The following BCAS3 variants were observed in gnomAD, a reference collection of about 807,000 sequenced individuals.
BCAS3 encodes the protein BCAS4/BCAS3 fusion.
Under a neutral mutation model 116.1 loss-of-function variants are expected in BCAS3, and 53 were observed. The ratio of observed to expected loss-of-function variants is 0.46; its 90% CI spans 0.37 to 0.57. The LOEUF (loss-of-function observed/expected upper bound fraction) is 0.57. BCAS3 is among the 20% of genes least tolerant of loss of function. The pLI is 0.00. For synonymous variants in BCAS3, 391 were observed against 408.2 expected (o/e 0.96, Z 0.51); for missense variants, 917 against 1,165.4 (o/e 0.79, Z 3.10).
intron 4 of BCAS3, among the ~76,000 whole-genome samples, chr17:60,691,170 T>C (rs2034770823): frequency 6.6e-6 from 1 of 152,080 alleles, no homozygotes; most frequent in South Asian, 2.1e-4. Context: ...TGACCTCAGG[T>C]AATTCACCTG....
At chr17:60,931,505 G>C (rs1451778785) in intron 13 of BCAS3, among the ~76,000 whole-genome samples, 1 of 152,048 alleles carries the variant, frequency 6.6e-6, no homozygotes, top group Admixed American at 6.6e-5. Context: ...TCAAACTCCT[G>C]AGCTCAGGCA....
rs999001137 is a variant in BCAS3 at position 61,268,477 on chromosome 17, T to C, written c.2426-99850T>C. Among the ~76,000 whole-genome samples, 7 of 152,322 alleles carry C rather than the reference T, an allele frequency of 4.6e-5. No individual in the cohort carries two copies. The East Asian group carries it at 1.2e-3, about 25-fold the overall frequency. Reference sequence around the variant, plus strand: ...TGTCCACTACAGTAATACGTATGTATATTATGGTACAACAGCTCACTAGAA... The same window carrying C: ...TGTCCACTACAGTAATACGTATGTACATTATGGTACAACAGCTCACTAGAA... On this transcript the variant is annotated intron_variant, in intron 22 of 23. Coordinates refer to ENST00000407086, the MANE Select transcript of BCAS3 (RefSeq NM_017679.5).
At chr17:61,284,232 C>G (rs1254319219) in intron 22 of BCAS3, among the ~76,000 whole-genome samples, 1 of 152,144 alleles carries the variant, frequency 6.6e-6, no homozygotes, top group South Asian at 2.1e-4. Flanking sequence ...CCTCCCCCAC[C>G]CACACCAGCA....
chr17:61,331,944 T>C (rs528300322), intron 22 of BCAS3, among the ~76,000 whole-genome samples: 1 of 152,284 alleles, frequency 6.6e-6, no homozygotes, highest in East Asian at 1.9e-4. Context: ...AGTGGTATGC[T>C]TTTTTGGGGT....
At chr17:61,284,159 T>C (rs774513753) in intron 22 of BCAS3, among the ~76,000 whole-genome samples, 6 of 152,096 alleles carry the variant, frequency 3.9e-5, no homozygotes, top group Non-Finnish European at 7.4e-5. Flanking sequence ...CAATCATCAC[T>C]CTGTAAAATG....
chr17:60,952,401 C>A (rs943398088), intron 14 of BCAS3, among the ~76,000 whole-genome samples: 1 of 152,046 alleles, frequency 6.6e-6, no homozygotes, highest in South Asian at 2.1e-4. Context: ...CTCACTGCAA[C>A]CTCTGCCTCC....
At chr17:61,011,794 T>A (rs370629077) in intron 15 of BCAS3, among the ~76,000 whole-genome samples, 1 of 152,052 alleles carries the variant, frequency 6.6e-6, no homozygotes, top group East Asian at 1.9e-4. Flanking sequence ...AAATCATTTA[T>A]AACCAAAGAT....
Position 60,868,444 on chromosome 17 carries a change from G to A in BCAS3, c.477-132G>A, listed in dbSNP as rs1364992076. ...AGGGATGTATTATGATCATTTTTGGGATAAGTTTTGAATCAATTTACTAAT... is the reference window on the plus strand; with the variant it reads ...AGGGATGTATTATGATCATTTTTGGAATAAGTTTTGAATCAATTTACTAAT... On this transcript the variant is annotated intron_variant, in intron 7 of 23. Coordinates refer to ENST00000407086, the MANE Select transcript of BCAS3 (RefSeq NM_017679.5). 8 of 514,470 alleles carry A rather than the reference G, an allele frequency of 1.6e-5. No individual in the cohort carries two copies. The Admixed American group carries it at 1.7e-4, about 11-fold the overall frequency. 31.9% of individuals were successfully genotyped at this position (514,470 alleles called of 1,614,324 possible).
At chr17:60,935,253 A>C (rs1301786011) in intron 13 of BCAS3, among the ~76,000 whole-genome samples, 1 of 152,192 alleles carries the variant, frequency 6.6e-6, no homozygotes, top group African/African-American at 2.4e-5. Context: ...AGTAATGTTT[A>C]TCAATTAGAA....
chr17:61,114,091 A>G (rs2143757524), intron 22 of BCAS3, among the ~76,000 whole-genome samples: 1 of 150,812 alleles, frequency 6.6e-6, no homozygotes, highest in Admixed American at 6.6e-5. Flanking sequence ...ATGTATTTCA[A>G]AATAATAAGA....
At chr17:60,683,753 G>GC (rs1481956444) in intron 2 of BCAS3, among the ~76,000 whole-genome samples, 1 of 151,384 alleles carries the variant, frequency 6.6e-6, no homozygotes, top group African/African-American at 2.4e-5. Context: ...GATTGCTTAA[G>GC]CCCCGGAGGT....
chr17:61,175,599 A>G (rs2079087727), intron 22 of BCAS3, among the ~76,000 whole-genome samples: 1 of 152,234 alleles, frequency 6.6e-6, no homozygotes. Flanking sequence ...CAGCTAGATT[A>G]TATGATAGCT....
Position 61,007,801 on chromosome 17 carries a change from A to G in BCAS3, c.1487-7950A>G, listed in dbSNP as rs2064822668. 6.6e-6 allele frequency among the ~76,000 whole-genome samples: 1 copy of G among 152,048 alleles called. No individual in the cohort carries two copies. Among genetic ancestry groups the G allele is most frequent in the Non-Finnish European group, 1.5e-5 (1 of 67,996 alleles). The stretch of plus-strand genomic sequence containing the variant: ...CTACCTTCTCACCCTTTCTCAAAGT[A>G]CCTACAGTAATGTCTATGGTGACGT... On this transcript the variant is annotated intron_variant, in intron 15 of 23. Transcript: ENST00000407086. This position sits in a 1 kb window ranked among gnomAD's most constrained non-coding sequence, Gnocchi z 4.3.
At position 61,300,754 on chromosome 17, in the gene BCAS3, A is replaced by G. The variant is rs1470192753; in HGVS notation, c.2426-67573A>G. 6.6e-6 allele frequency among the ~76,000 whole-genome samples: 1 copy of G among 152,146 alleles called. No individual in the cohort carries two copies. Among genetic ancestry groups the G allele is most frequent in the African/African-American group, 2.4e-5 (1 of 41,434 alleles). Reference sequence around the variant, plus strand: ...GAAAGTTCAGAGAAGTTTTTATTTCATATCTGATTAGCTTCAATTGACAAT... The same window carrying G: ...GAAAGTTCAGAGAAGTTTTTATTTCGTATCTGATTAGCTTCAATTGACAAT... On this transcript the variant is annotated intron_variant, in intron 22 of 23. Coordinates refer to ENST00000407086, the MANE Select transcript of BCAS3 (RefSeq NM_017679.5). The surrounding 1 kb of genome is among the most constrained non-coding windows in gnomAD (Gnocchi z 5.1).
In BCAS3 at chr17:61,063,421, C is replaced by T. The variant is rs2070275244; in HGVS notation, c.2030-11499C>T. On this transcript the variant is annotated intron_variant, in intron 19 of 23. Transcript: ENST00000407086. The surrounding 1 kb of genome is among the most constrained non-coding windows in gnomAD (Gnocchi z 5.3). ...AGTAGCTGGGACTACAGGCACCTGC[C>T]ACCACGCTTGCTAATTTTTTATATT... Among the ~76,000 whole-genome samples, 2 of 152,034 alleles carry T rather than the reference C, an allele frequency of 1.3e-5. No individual in the cohort carries two copies. The highest frequency in any genetic ancestry group is 1.5e-5 in the Non-Finnish European group (1 of 68,002).
At chr17:61,271,071 A>G (rs917253001) in intron 22 of BCAS3, among the ~76,000 whole-genome samples, 2 of 148,424 alleles carry the variant, frequency 1.3e-5, no homozygotes, top group Non-Finnish European at 3.0e-5. Flanking sequence ...TTAGGTCTTT[A>G]ACACATTTTC....
chr17:61,037,959 G>A lies in BCAS3; in HGVS notation c.1833G>A (p.Met611Ile), dbSNP rs2067173401. Reference protein sequence around the residue: ...ISCYGTLVEHMMEPRPLSTAP... With the variant: ...ISCYGTLVEHIMEPRPLSTAP... ...GCTATGGCACCTTAGTGGAACACAT[G>A]ATGGAGCCGCGACCCCTCAGCACTG... The change falls in exon 18 of 24, where the codon ATG becomes ATA. Residue 611 changes from methionine (M) to isoleucine (I), a missense_variant. By Grantham distance (10) the Met-to-Ile change is conservative. Around this residue, in one of 3 missense-constraint regions of BCAS3, gnomAD observed 807 missense variants for 1,026.0 expected, o/e 0.79. Transcript: ENST00000407086. This position sits in a 1 kb window ranked among gnomAD's most constrained non-coding sequence, Gnocchi z 4.7. 6.2e-7 allele frequency: 1 copy of A among 1,614,058 alleles called. No individual in the cohort carries two copies. The highest frequency in any genetic ancestry group is 1.7e-5 in the Admixed American group (1 of 60,020).
chr17:61,069,267 G>A (rs778896428), intron 19 of BCAS3, among the ~76,000 whole-genome samples: 2 of 152,130 alleles, frequency 1.3e-5, no homozygotes, highest in South Asian at 2.1e-4. Flanking sequence ...CTGGGTTTGC[G>A]ATAGGGAAGG....
At position 61,291,783 on chromosome 17, in the gene BCAS3, G is replaced by A. The variant is rs370821620; in HGVS notation, c.2426-76544G>A. On this transcript the variant is annotated intron_variant, in intron 22 of 23. Transcript: ENST00000407086. Reference sequence around the variant, plus strand: ...ATGGATTTGGAGTTCAGGTTTGGTTGAAAGTGGGCTGATGGTGGTTGTGCG... The same window carrying A: ...ATGGATTTGGAGTTCAGGTTTGGTTAAAAGTGGGCTGATGGTGGTTGTGCG... Among the ~76,000 whole-genome samples the A allele has an allele frequency of 3.2e-4, 48 of 152,304 alleles. 1 individual carries two copies. The highest frequency in any genetic ancestry group is 1.2e-3 in the African/African-American group (48 of 41,564).
Sources: allele counts gnomAD v4.1 joint callset (sites outside exome capture counted in the v4.1 genomes callset), GRCh38; gene constraint gnomAD v4.1.1; regional missense constraint gnomAD v4.1.1; non-coding constraint Gnocchi (gnomAD v3.1); transcripts MANE v1.5; gene names NCBI Gene and HGNC (gene_info 2026-07-23, HGNC 2026-07-21).